Variants in MRPS31 observed in about 807,000 individuals in gnomAD.
MRPS31 encodes the protein mitochondrial ribosomal protein S31, also known as small ribosomal subunit protein mS31.
In MRPS31, 32 loss-of-function variants were observed where a neutral mutation model predicts 43.1. The ratio of observed to expected loss-of-function variants is 0.74; its 90% CI spans 0.56 to 1.00. The LOEUF is 1.00. MRPS31 is among the 50% of genes least tolerant of loss of function. The pLI is 0.00. For missense variants in MRPS31, 437 were observed against 466.7 expected (o/e 0.94, Z 0.59); for synonymous variants, 165 against 161.6 (o/e 1.02, Z -0.16).
At chr13:40,758,000 G>A (rs1380300097) in intron 3 of MRPS31, among the ~76,000 whole-genome samples, 6 of 151,728 alleles carry the variant, frequency 4.0e-5, no homozygotes, top group African/African-American at 1.2e-4. Flanking sequence ...AAAATTAGCC[G>A]GGCATGGTGG....
Position 40,729,534 on chromosome 13 carries a change from T to C in MRPS31, c.1026A>G (p.Pro342=), listed in dbSNP as rs1222729765. Residue 342 remains proline (P), a synonymous_variant, in exon 7 of 7, where the codon CCA becomes CCG. Coordinates refer to ENST00000323563, the MANE Select transcript of MRPS31 (RefSeq NM_005830.4). ...IFLEKHLESF[P]KQGPIRHFME... is the part of the protein sequence containing the mutation. ...TGAAGTGGCGAATTGGTCCTTGTTT[T>C]GGAAAGCTCTCCAGGTGTTTCTCCA... 6.2e-7 allele frequency: 1 copy of C among 1,614,132 alleles called. No individual in the cohort carries two copies. Among genetic ancestry groups the C allele is most frequent in the Non-Finnish European group, 8.5e-7 (1 of 1,180,014 alleles).
In MRPS31 at chr13:40,766,986, C is replaced by T. The variant is rs768423504; in HGVS notation, c.200G>A (p.Cys67Tyr). 3 of 1,613,756 alleles carry T rather than the reference C, an allele frequency of 1.9e-6. No homozygotes were observed. The East Asian group carries it at 6.7e-5, about 36-fold the overall frequency. The stretch of plus-strand genomic sequence containing the variant: ...AACAGACTGCTTATCTTTCTTGCTA[C>T]AGATCACACTGTTAGTGCCAAAATA... ...QRYFGTNSVI[C>Y]SKKDKQSVRT... Residue 67 changes from cysteine (C) to tyrosine (Y), a missense_variant, in exon 2 of 7, where the codon TGT becomes TAT. Coordinates refer to ENST00000323563, the MANE Select transcript of MRPS31 (RefSeq NM_005830.4).
intron 6 of MRPS31, among the ~76,000 whole-genome samples, chr13:40,740,091 A>G (rs1240197385): frequency 1.3e-5 from 2 of 151,284 alleles, no homozygotes; most frequent in Non-Finnish European, 3.0e-5. Context: ...GCAAATTTAC[A>G]AGAAAAAAAC....
chr13:40,729,622 C>T (rs1347702022), intron 6 of MRPS31, 21 bp from the exon 7 acceptor site: 3 of 1,374,270 alleles, frequency 2.2e-6, no homozygotes, highest in South Asian at 1.2e-5. Flanking sequence ...AGACCAAATA[C>T]ATTACATTAT....
At position 40,729,161 on chromosome 13, in the gene MRPS31, C is replaced by T. The variant is rs542820064; in HGVS notation, c.*211G>A. On this transcript the variant is annotated 3_prime_UTR_variant, in exon 7 of 7. Coordinates refer to ENST00000323563, the MANE Select transcript of MRPS31 (RefSeq NM_005830.4). ...TGTTGTCTTAAATGTATTACTAATT[C>T]CCAGATATTCTTTTGAACCTATGAA... The T allele has an allele frequency of 2.1e-4, 78 of 372,076 alleles. No individual in the cohort carries two copies. In the East Asian group the frequency reaches 3.5e-3, roughly 17 times the overall value. The allele number at this position is 372,076 out of a possible 1,614,324, so 23.0% of individuals were successfully genotyped here. A position where few individuals can be genotyped will look rare whatever the true frequency, so the allele number is the denominator to read the frequency against.
chr13:40,752,739 C>CT (rs201349990), intron 5 of MRPS31, among the ~76,000 whole-genome samples: 7 of 147,180 alleles, frequency 4.8e-5, no homozygotes, highest in South Asian at 4.3e-4. Context: ...ATACAACATT[C>CT]TTTTTTTTTT....
chr13:40,748,754 C>T (rs1219631067), intron 6 of MRPS31, among the ~76,000 whole-genome samples: 2 of 152,172 alleles, frequency 1.3e-5, no homozygotes, highest in African/African-American at 4.8e-5. Context: ...CAGCGTGAGA[C>T]TTTTAAGAGT....
rs536867699 is a variant in MRPS31 at position 40,753,895 on chromosome 13, A to G, written c.814+124T>C. 1.7e-5 allele frequency: 11 copies of G among 660,314 alleles called. No individual in the cohort carries two copies. The Admixed American group carries it at 2.9e-4, about 17-fold the overall frequency. The allele number at this position is 660,314 out of a possible 1,614,324, so 40.9% of individuals were successfully genotyped here. ...TTTCCTTGTAACAACCGCCACATTCATAAGCAGGATCCAGGCCAATGACAG... is the reference window on the plus strand; with the variant it reads ...TTTCCTTGTAACAACCGCCACATTCGTAAGCAGGATCCAGGCCAATGACAG... On this transcript the variant is annotated intron_variant, in intron 5 of 6. Transcript: ENST00000323563.
intron 4 of MRPS31, 83 bp from the exon 5 acceptor site, chr13:40,754,175 A>C (rs1451258812): frequency 1.3e-6 from 1 of 769,150 alleles, no homozygotes; most frequent in African/African-American, 1.8e-5. Flanking sequence ...TCTTAAGTGA[A>C]ATATTCTATG....
At chr13:40,765,534 C>T (rs1406784818) in intron 2 of MRPS31, among the ~76,000 whole-genome samples, 2 of 152,050 alleles carry the variant, frequency 1.3e-5, no homozygotes, top group African/African-American at 2.4e-5. Context: ...TTATTTATTT[C>T]CATATACTTA....
At chr13:40,737,385 G>C (rs1298286178) in intron 6 of MRPS31, among the ~76,000 whole-genome samples, 1 of 136,108 alleles carries the variant, frequency 7.3e-6, no homozygotes, top group African/African-American at 2.6e-5. Flanking sequence ...GAGACAGAAA[G>C]TCAACAAGGA....
chr13:40,730,366 A>G (rs910906105), intron 6 of MRPS31, among the ~76,000 whole-genome samples: 1 of 151,896 alleles, frequency 6.6e-6, no homozygotes, highest in Non-Finnish European at 1.5e-5. Flanking sequence ...CACTAAAAAT[A>G]CCAAAAAAAT....
intron 6 of MRPS31, among the ~76,000 whole-genome samples, chr13:40,731,460 T>C (rs1230598704): frequency 2.0e-5 from 3 of 151,478 alleles, no homozygotes; most frequent in Non-Finnish European, 4.4e-5. Context: ...CATGTGCCTG[T>C]AGTCCCAGCT....
intron 6 of MRPS31, among the ~76,000 whole-genome samples, chr13:40,735,041 A>G (rs1359349765): frequency 6.6e-6 from 1 of 152,186 alleles, no homozygotes; most frequent in Admixed American, 6.5e-5. Flanking sequence ...CTCACTAGGG[A>G]GTGCCAGACA....
intron 2 of MRPS31, among the ~76,000 whole-genome samples, chr13:40,766,005 T>C (rs993360235): frequency 1.3e-5 from 2 of 152,198 alleles, no homozygotes; most frequent in Non-Finnish European, 2.9e-5. Context: ...TATAAAGCAA[T>C]TGTAATCAAC....
intron 2 of MRPS31, among the ~76,000 whole-genome samples, chr13:40,762,084 GA>G (rs796507263): frequency 1.8e-4 from 25 of 142,284 alleles, no homozygotes; most frequent in South Asian, 4.4e-4. Flanking sequence ...TCTACAAAAA[GA>G]AAAAAAAAAA....
intron 2 of MRPS31, among the ~76,000 whole-genome samples, chr13:40,765,150 T>C (rs529998356): frequency 6.6e-6 from 1 of 152,364 alleles, no homozygotes; most frequent in African/African-American, 2.4e-5. Flanking sequence ...TCTTTTGATG[T>C]GGGACCAAAG....
At chr13:40,741,580 T>C in intron 6 of MRPS31, among the ~76,000 whole-genome samples, 1 of 152,132 alleles carries the variant, frequency 6.6e-6, no homozygotes, top group African/African-American at 2.4e-5. Flanking sequence ...GTTAACAATA[T>C]CCAGTATCAG....
At chr13:40,734,245 G>A (rs1282909432) in intron 6 of MRPS31, among the ~76,000 whole-genome samples, 1 of 152,132 alleles carries the variant, frequency 6.6e-6, no homozygotes, top group Non-Finnish European at 1.5e-5. Context: ...GGGTCTCAAA[G>A]CATGTGCTTC....
Sources: gnomAD v4.1 joint callset for allele counts (sites outside exome capture counted in the v4.1 genomes callset) on GRCh38, gnomAD v4.1.1 for gene constraint, MANE v1.5 for transcripts, NCBI Gene and HGNC (gene_info 2026-07-23, HGNC 2026-07-21) for gene names.